CD58: variants seen among roughly 807,000 people sequenced by gnomAD.
CD58 encodes the protein CD58 molecule, also known as lymphocyte function-associated antigen 3.
CD58 carries 14 observed loss-of-function variants against 27.6 expected under a neutral mutation model. The observed-to-expected ratio is 0.51, with a 90% CI of 0.34 to 0.79. The LOEUF is 0.79. Ranked by LOEUF, CD58 falls within the 30% of genes least tolerant of loss-of-function variation. The probability of loss-of-function intolerance (pLI) is 0.02; values close to 1 mark genes in which losing one functional copy is unlikely to be tolerated. For synonymous variants in CD58, 117 were observed against 103.8 expected (o/e 1.13, Z -0.77); for missense variants, 268 against 301.7 (o/e 0.89, Z 0.83).
At chr1:116,562,426 G>T (rs1227731813) in intron 1 of CD58, among the ~76,000 whole-genome samples, 1 of 152,062 alleles carries the variant, frequency 6.6e-6, no homozygotes, top group African/African-American at 2.4e-5. Context: ...TCAAGCAATT[G>T]CCAGGCTCAT....
intron 1 of CD58, among the ~76,000 whole-genome samples, chr1:116,547,714 G>A (rs1441603555): frequency 6.6e-6 from 1 of 152,024 alleles, no homozygotes. Flanking sequence ...GGGCATTTAT[G>A]CTGATTCCAT....
Position 116,559,067 on chromosome 1 carries a change from T to C in CD58, c.70+11836A>G, listed in dbSNP as rs1232913545. Among the ~76,000 whole-genome samples, 6 of 151,946 alleles carry C rather than the reference T, an allele frequency of 3.9e-5. No homozygotes were observed. Among genetic ancestry groups the C allele is most frequent in the Non-Finnish European group, 8.8e-5 (6 of 67,994 alleles). On this transcript the variant is annotated intron_variant, in intron 1 of 5. Coordinates refer to ENST00000369489, the MANE Select transcript of CD58 (RefSeq NM_001779.3). This position sits in a 1 kb window ranked among gnomAD's most constrained non-coding sequence, Gnocchi z 4.4. ...GTAAATATCTTTTATTTGGATGATG[T>C]TGGATGATGTTAAGTGCTATAGAGA... is the stretch of plus-strand genomic sequence containing the variant.
At chr1:116,568,445 A>C (rs538170914) in intron 1 of CD58, among the ~76,000 whole-genome samples, 4 of 152,322 alleles carry the variant, frequency 2.6e-5, no homozygotes, top group East Asian at 1.9e-4. Flanking sequence ...TTCAAAAAAA[A>C]CCCTAAACTG....
At position 116,524,325 on chromosome 1, in the gene CD58, A is replaced by G. The variant is rs1057084989; in HGVS notation, c.629-2342T>C. 2.1e-4 allele frequency among the ~76,000 whole-genome samples: 32 copies of G among 152,356 alleles called. No homozygotes were observed. Among genetic ancestry groups the G allele is most frequent in the Admixed American group, 1.8e-3 (27 of 15,298 alleles). The stretch of plus-strand genomic sequence containing the variant: ...TGAAACTGGGAAGTCTGGGCACACC[A>G]GGTAACACTGGTCACTCAAATCTGG... On this transcript the variant is annotated intron_variant, in intron 3 of 5. Coordinates refer to ENST00000369489, the MANE Select transcript of CD58 (RefSeq NM_001779.3). This position sits in a 1 kb window ranked among gnomAD's most constrained non-coding sequence, Gnocchi z 4.6.
In CD58 at chr1:116,521,861, A is replaced by G; in HGVS notation, c.706+45T>C. 9.3e-7 allele frequency: 1 copy of G among 1,069,954 alleles called. No individual in the cohort carries two copies. Among genetic ancestry groups the G allele is most frequent in the Non-Finnish European group, 1.4e-6 (1 of 702,258 alleles). 66.3% of individuals were successfully genotyped at this position (1,069,954 alleles called of 1,614,324 possible). The stretch of plus-strand genomic sequence containing the variant: ...TAAACTATTTTCTGACCTTTGGAAA[A>G]CAATGCAAGTTTTCAAACTATTTTG... On this transcript the variant is annotated intron_variant, in intron 4 of 5. Transcript: ENST00000369489. This position sits in a 1 kb window ranked among gnomAD's most constrained non-coding sequence, Gnocchi z 5.6.
chr1:116,536,171 T>C lies in CD58; in HGVS notation c.422A>G (p.Gln141Arg). ...GTTGTAATGCTCTGGTATCATGCAT[T>C]GGACTTCAATGCTTCCATTAGTCAA... ...CALTNGSIEV[Q>R]CMIPEHYNSH... The change falls in exon 3 of 6, where the codon CAA (glutamine) becomes CGA (arginine). Residue 141 changes from glutamine to arginine, a missense_variant. By Grantham distance (43) the Gln-to-Arg change is conservative (BLOSUM62 1). Transcript: ENST00000369489. This position sits in a 1 kb window ranked among gnomAD's most constrained non-coding sequence, Gnocchi z 5.4. 1.9e-6 allele frequency: 3 copies of C among 1,613,374 alleles called. No homozygotes were observed. Among genetic ancestry groups the C allele is most frequent in the Non-Finnish European group, 1.7e-6 (2 of 1,179,372 alleles).
intron 2 of CD58, among the ~76,000 whole-genome samples, chr1:116,537,166 G>C (rs61789228): frequency 0.012 from 1,863 of 152,244 alleles, 22 homozygotes; most frequent in South Asian, 0.02. Flanking sequence ...CTTGAACCAA[G>C]GAATCTGAAG....
chr1:116,547,580 T>G (rs531039546), intron 1 of CD58, among the ~76,000 whole-genome samples: 1 of 152,194 alleles, frequency 6.6e-6, no homozygotes, highest in East Asian at 1.9e-4. Flanking sequence ...CTGCCCGCCT[T>G]GGCCTCCCAA....
intron 3 of CD58, chr1:116,533,549 C>T (rs952431538): frequency 2.8e-6 from 2 of 721,740 alleles, no homozygotes; most frequent in African/African-American, 3.5e-5. Context: ...ATTGGTTCAT[C>T]ATATTCCTGG....
At chr1:116,518,052 AT>A (rs1474869578) in intron 5 of CD58, among the ~76,000 whole-genome samples, 1 of 152,198 alleles carries the variant, frequency 6.6e-6, no homozygotes, top group East Asian at 1.9e-4. Flanking sequence ...ATATTAATAT[AT>A]TTTGACACAG....
chr1:116,545,571 G>T (rs1324473207), intron 1 of CD58, among the ~76,000 whole-genome samples: 1 of 152,140 alleles, frequency 6.6e-6, no homozygotes, highest in African/African-American at 2.4e-5. Context: ...TGACTGAGAG[G>T]CATCATTAAC....
chr1:116,533,925 G>T (rs1016140), intron 3 of CD58: 186,699 of 1,395,176 alleles, frequency 0.13, 20,905 homozygotes, highest in East Asian at 0.58. Context: ...GTAAAGTTTC[G>T]ATGTAGCTGG....
At chr1:116,556,697 G>A (rs1045135624) in intron 1 of CD58, among the ~76,000 whole-genome samples, 2 of 152,158 alleles carry the variant, frequency 1.3e-5, no homozygotes, top group African/African-American at 2.4e-5. Context: ...AAAAGAAAAC[G>A]AGCAAACAAA....
Position 116,570,860 on chromosome 1 carries a change from A to G in CD58, c.70+43T>C, listed in dbSNP as rs1659117133. ...CCACCCAGCCTGGGTGCTGCCCAGTACCCGCCGGCCGGCGCGGGGCCCCTG... is the reference window on the plus strand; with the variant it reads ...CCACCCAGCCTGGGTGCTGCCCAGTGCCCGCCGGCCGGCGCGGGGCCCCTG... On this transcript the variant is annotated intron_variant, in intron 1 of 5. Coordinates refer to ENST00000369489, the MANE Select transcript of CD58 (RefSeq NM_001779.3). This position sits in a 1 kb window ranked among gnomAD's most constrained non-coding sequence, Gnocchi z 6.4. 2 of 1,495,404 alleles carry G rather than the reference A, an allele frequency of 1.3e-6. No homozygotes were observed. The highest frequency in any genetic ancestry group is 1.8e-6 in the Non-Finnish European group (2 of 1,113,764). 92.6% of individuals were successfully genotyped at this position (1,495,404 alleles called of 1,614,324 possible). A position where few individuals can be genotyped will look rare whatever the true frequency, so the allele number is the denominator to read the frequency against.
chr1:116,518,889 T>C, intron 5 of CD58: 2 of 1,109,818 alleles, frequency 1.8e-6, no homozygotes, highest in African/African-American at 3.2e-5. Context: ...TCCAAAGACC[T>C]AGATTTAAAT....
At chr1:116,568,613 C>T (rs932921641) in intron 1 of CD58, among the ~76,000 whole-genome samples, 16 of 152,248 alleles carry the variant, frequency 1.1e-4, no homozygotes, top group African/African-American at 3.9e-4. Context: ...GGGAACTGTG[C>T]ATAGCTTGCT....
chr1:116,566,971 T>C (rs1658957222), intron 1 of CD58, among the ~76,000 whole-genome samples: 1 of 150,714 alleles, frequency 6.6e-6, no homozygotes, highest in Non-Finnish European at 1.5e-5. Flanking sequence ...AAACCCCGTC[T>C]CTATAAAAAA....
In CD58 at chr1:116,524,312, G is replaced by C. The variant is rs1657361689; in HGVS notation, c.629-2329C>G. ...GAAATTCGGGTGCTGAAACTGGGAA[G>C]TCTGGGCACACCAGGTAACACTGGT... On this transcript the variant is annotated intron_variant, in intron 3 of 5. Transcript: ENST00000369489. The surrounding 1 kb of genome is among the most constrained non-coding windows in gnomAD (Gnocchi z 4.6). Among the ~76,000 whole-genome samples the C allele has an allele frequency of 6.6e-6, 1 of 152,186 alleles. No individual in the cohort carries two copies. The highest frequency in any genetic ancestry group is 2.4e-5 in the African/African-American group (1 of 41,440).
Position 116,570,962 on chromosome 1 carries a change from C to G in CD58, c.11G>C (p.Gly4Ala). ...CCCCAGGGCCCGCCCCGCGTCGCTC[C>G]CAGCAACCATGGCTCGTCGGGCCGG... MVA[G>A]SDAGRALGVL... The change falls in exon 1 of 6, where the codon GGG becomes GCG. Residue 4 changes from glycine (G) to alanine (A), a missense_variant. By Grantham distance (60) the Gly-to-Ala change is moderately conservative (BLOSUM62 0). Coordinates refer to ENST00000369489, the MANE Select transcript of CD58 (RefSeq NM_001779.3). The surrounding 1 kb of genome is among the most constrained non-coding windows in gnomAD (Gnocchi z 6.4). The G allele has an allele frequency of 4.5e-6, 7 of 1,561,632 alleles. No homozygotes were observed. The highest frequency in any genetic ancestry group is 6.0e-6 in the Non-Finnish European group (7 of 1,160,402).
Sources: allele counts gnomAD v4.1 joint callset (sites outside exome capture counted in the v4.1 genomes callset), GRCh38; gene constraint gnomAD v4.1.1; non-coding constraint Gnocchi (gnomAD v3.1); transcripts MANE v1.5; gene names NCBI Gene and HGNC (gene_info 2026-07-23, HGNC 2026-07-21).